Variants in PLAC1 observed in about 807,000 individuals in gnomAD.
The protein encoded by PLAC1 is placenta-specific protein 1.
For missense variants in PLAC1, 136 were observed against 163.2 expected (o/e 0.83, Z 0.91); for synonymous variants, 68 against 62.1 (o/e 1.09, Z -0.44).
chrX:134,734,897 C>T (rs1001559459), intron 1 of PLAC1, among the ~76,000 whole-genome samples: 3 of 110,556 alleles, frequency 2.7e-5, no homozygotes, highest in Non-Finnish European at 5.7e-5. Context: ...CTGGGGCCAT[C>T]CCCTTCCAAA....
intron 1 of PLAC1, among the ~76,000 whole-genome samples, chrX:134,739,298 T>A (rs1471307055): frequency 1.8e-5 from 2 of 112,556 alleles, no homozygotes; most frequent in Non-Finnish European, 3.7e-5. Flanking sequence ...GATTTTTTTA[T>A]TCGACTTCGA....
intron 2 of PLAC1, among the ~76,000 whole-genome samples, chrX:134,719,626 C>T (rs749417828): frequency 9.0e-6 from 1 of 110,667 alleles, no homozygotes; most frequent in East Asian, 2.8e-4. Flanking sequence ...CCCATCTCTA[C>T]TAAAAATAAA....
chrX:134,678,205 C>G (rs1446068784), intron 2 of PLAC1, among the ~76,000 whole-genome samples: 2 of 111,638 alleles, frequency 1.8e-5, no homozygotes, highest in Admixed American at 9.5e-5. Flanking sequence ...TCTTATCACA[C>G]TTGGAATAAA....
At chrX:134,665,647 C>T (rs768488402) in intron 2 of PLAC1, among the ~76,000 whole-genome samples, 2 of 111,190 alleles carry the variant, frequency 1.8e-5, no homozygotes, top group African/African-American at 6.5e-5. Context: ...TCCCCTGTCA[C>T]AGGGGAGAAG....
chrX:134,659,562 G>A (rs759707568), upstream of PLAC1, among the ~76,000 whole-genome samples: 1 of 111,441 alleles, frequency 9.0e-6, no homozygotes, highest in Admixed American at 9.6e-5. Context: ...GTTCAGAAGT[G>A]TACTGGCCAC....
At chrX:134,751,982 T>C (rs2078745975) in intron 1 of PLAC1, among the ~76,000 whole-genome samples, 1 of 112,208 alleles carries the variant, frequency 8.9e-6, no homozygotes, top group South Asian at 3.7e-4. Flanking sequence ...TTAATTCCTA[T>C]GTCCCTTGCA....
At chrX:134,698,050 A>G (rs1182480631) in intron 2 of PLAC1, among the ~76,000 whole-genome samples, 2 of 111,927 alleles carry the variant, frequency 1.8e-5, no homozygotes, top group Non-Finnish European at 3.8e-5. Flanking sequence ...ATTGATTGGT[A>G]TCATCGTTTT....
chrX:134,578,650 T>C (rs1353146861), intron 2 of PLAC1, among the ~76,000 whole-genome samples: 2 of 105,617 alleles, frequency 1.9e-5, no homozygotes, highest in African/African-American at 6.9e-5. Flanking sequence ...CCTGAGTAGC[T>C]GGGATCGCCT....
At chrX:134,639,010 C>T (rs901120155) in intron 1 of PLAC1, among the ~76,000 whole-genome samples, 1 of 111,617 alleles carries the variant, frequency 9.0e-6, no homozygotes, top group Non-Finnish European at 1.9e-5. Context: ...AAGTTTAGCT[C>T]CTACTTATCA....
chrX:134,694,787 A>G (rs1289989357), intron 2 of PLAC1, among the ~76,000 whole-genome samples: 1 of 111,796 alleles, frequency 8.9e-6, no homozygotes, highest in African/African-American at 3.3e-5. Context: ...TGAGTTACCA[A>G]ACTATTTATA....
At chrX:134,732,380 G>A (rs1415024950) in intron 2 of PLAC1, among the ~76,000 whole-genome samples, 2 of 111,397 alleles carry the variant, frequency 1.8e-5, no homozygotes, top group South Asian at 3.8e-4. Context: ...GCTAACCAAG[G>A]GCTGCCAAGT....
At chrX:134,635,423 A>C (rs1408693839) in intron 1 of PLAC1, among the ~76,000 whole-genome samples, 2 of 110,275 alleles carry the variant, frequency 1.8e-5, no homozygotes, top group African/African-American at 6.6e-5. Context: ...CTGCAGCCTC[A>C]GTCTCCTGGG....
intron 2 of PLAC1, among the ~76,000 whole-genome samples, chrX:134,589,533 C>G (rs776167172): frequency 2.7e-4 from 30 of 110,090 alleles, no homozygotes; most frequent in African/African-American, 9.6e-4. Flanking sequence ...TCGAGACCAG[C>G]CTGGCCAACA....
At chrX:134,742,431 T>C (rs1310640419) in intron 1 of PLAC1, among the ~76,000 whole-genome samples, 1 of 111,268 alleles carries the variant, frequency 9.0e-6, no homozygotes, top group Non-Finnish European at 1.9e-5. Flanking sequence ...CTACTAGAAA[T>C]ACAAAAATGA....
At chrX:134,618,164 A>T (rs748733353) in intron 1 of PLAC1, among the ~76,000 whole-genome samples, 1 of 111,921 alleles carries the variant, frequency 8.9e-6, no homozygotes, top group Admixed American at 9.5e-5. Flanking sequence ...GCAGAGTACA[A>T]GTGTTGAACA....
chrX:134,642,646 G>A (rs1002791048), intron 1 of PLAC1, among the ~76,000 whole-genome samples: 4 of 111,318 alleles, frequency 3.6e-5, no homozygotes, highest in African/African-American at 1.3e-4. Flanking sequence ...ATAAACTGAA[G>A]AATGAGTAGG....
At chrX:134,655,323 C>G (rs2078384890) in intron 1 of PLAC1, among the ~76,000 whole-genome samples, 1 of 90,789 alleles carries the variant, frequency 1.1e-5, no homozygotes, top group South Asian at 5.9e-4. Context: ...TTCTATCAGT[C>G]AATCTATTTA....
intron 2 of PLAC1, among the ~76,000 whole-genome samples, chrX:134,685,237 C>T (rs375071491): frequency 1.6e-4 from 18 of 111,562 alleles, no homozygotes; most frequent in Middle Eastern, 4.6e-3. Flanking sequence ...AAGATCATAA[C>T]TTTTACTGGG....
intron 1 of PLAC1, among the ~76,000 whole-genome samples, chrX:134,637,121 C>T (rs1033467272): frequency 1.8e-5 from 2 of 112,302 alleles, no homozygotes; most frequent in Non-Finnish European, 3.8e-5. Context: ...TTAGTTCTGA[C>T]CAGATTGCTT....
Sources: allele counts gnomAD v4.1 joint callset (sites outside exome capture counted in the v4.1 genomes callset), GRCh38; gene constraint gnomAD v4.1.1; transcripts MANE v1.5; gene names NCBI Gene and HGNC (gene_info 2026-07-23, HGNC 2026-07-21).